The following EIF2B3 variants were observed in gnomAD, a reference collection of about 807,000 sequenced individuals.
EIF2B3 encodes eukaryotic translation initiation factor 2B subunit gamma.
Under a neutral mutation model 54.1 loss-of-function variants are expected in EIF2B3, and 20 were observed. The ratio of observed to expected loss-of-function variants is 0.37; its 90% CI spans 0.26 to 0.54. The LOEUF is 0.54. Among genes scored for constraint, EIF2B3 ranks in the 20% least tolerant of loss-of-function variants. The pLI is 0.86. For missense variants in EIF2B3, 448 were observed against 547.8 expected, an observed-to-expected ratio of 0.82 and a Z score of 1.82; for synonymous variants, 153 against 188.1, an observed-to-expected ratio of 0.81 and a Z score of 1.52.
At chr1:44,970,092 G>C (rs921655435) in intron 3 of EIF2B3, 2 of 152,120 alleles carry the variant, frequency 1.3e-5, no homozygotes, top group Admixed American at 6.6e-5. Context: ...TGTGGGGTTA[G>C]ATAAAGCAAA....
At chr1:44,860,388 C>T (rs1282406380) in intron 10 of EIF2B3, among the ~76,000 whole-genome samples, 2 of 152,148 alleles carry the variant, frequency 1.3e-5, no homozygotes, top group Non-Finnish European at 2.9e-5. Context: ...CCCTCAGTGT[C>T]CTGGCCCCCC....
At chr1:44,930,558 C>T (rs937361332) in intron 4 of EIF2B3, among the ~76,000 whole-genome samples, 3 of 152,238 alleles carry the variant, frequency 2.0e-5, no homozygotes, top group Non-Finnish European at 4.4e-5. Flanking sequence ...ACCTTGTAAA[C>T]AAGCCTGGGC....
At position 44,974,644 on chromosome 1, in the gene EIF2B3, G is replaced by C. The variant is rs377389636; in HGVS notation, c.294+3671C>G. 3.2e-4 allele frequency among the ~76,000 whole-genome samples: 48 copies of C among 151,826 alleles called. 1 individual carries two copies. Among genetic ancestry groups the C allele is most frequent in the African/African-American group, 1.2e-3 (48 of 41,432 alleles). On this transcript the variant is annotated intron_variant, in intron 3 of 11. Coordinates refer to ENST00000360403, the MANE Select transcript of EIF2B3 (RefSeq NM_020365.5). ...ACTGCACACTAGCCTGGGTGACAGAGTGAGACTGTCTCAAAAAATAAAATT... is the reference window on the plus strand; with the variant it reads ...ACTGCACACTAGCCTGGGTGACAGACTGAGACTGTCTCAAAAAATAAAATT...
In EIF2B3 at chr1:44,850,742, C is replaced by G. The variant is rs2148889767; in HGVS notation, c.*209G>C. Reference sequence around the variant, plus strand: ...GTATCTGTCCTGTCCCACACACTTGCTCCAGATGATCTTTACCACATGACA... The same window carrying G: ...GTATCTGTCCTGTCCCACACACTTGGTCCAGATGATCTTTACCACATGACA... On this transcript the variant is annotated 3_prime_UTR_variant, in exon 12 of 12. Coordinates refer to ENST00000360403, the MANE Select transcript of EIF2B3 (RefSeq NM_020365.5). 1.6e-6 allele frequency: 1 copy of G among 608,750 alleles called. No homozygotes were observed. Among genetic ancestry groups the G allele is most frequent in the Non-Finnish European group, 2.9e-6 (1 of 343,304 alleles). The allele number at this position is 608,750 out of a possible 1,614,324, so 37.7% of individuals were successfully genotyped here.
In EIF2B3 at chr1:44,982,877, C is replaced by G. The variant is rs553459743; in HGVS notation, c.-9-1700G>C. Among the ~76,000 whole-genome samples, 3 of 152,244 alleles carry G rather than the reference C, an allele frequency of 2.0e-5. No homozygotes were observed. In the East Asian group the frequency reaches 5.8e-4, roughly 29 times the overall value. On this transcript the variant is annotated intron_variant, in intron 1 of 11. Transcript: ENST00000360403. The stretch of plus-strand genomic sequence containing the variant: ...TCCCAGGTTCAAGTGATTCTCCTGC[C>G]TCAGCCTCCCAAAGAGCTGGGATTA...
intron 3 of EIF2B3, among the ~76,000 whole-genome samples, chr1:44,955,388 G>A (rs143895833): frequency 3.9e-5 from 6 of 152,022 alleles, no homozygotes; most frequent in African/African-American, 9.7e-5. Context: ...AGACTTAAAC[G>A]TAAGACCCAA....
chr1:44,971,054 T>C (rs1160400556), intron 3 of EIF2B3, among the ~76,000 whole-genome samples: 1 of 152,210 alleles, frequency 6.6e-6, no homozygotes, highest in Non-Finnish European at 1.5e-5. Context: ...ATTCTGATTT[T>C]AGGTGCAAGG....
intron 5 of EIF2B3, among the ~76,000 whole-genome samples, chr1:44,903,434 A>G (rs552633): frequency 0.68 from 103,313 of 152,068 alleles, 37,179 homozygotes; most frequent in East Asian, 0.98. Context: ...CTTCTTCCCC[A>G]TTCCCAGCAT....
intron 3 of EIF2B3, among the ~76,000 whole-genome samples, chr1:44,954,518 A>C (rs1183029234): frequency 6.6e-6 from 1 of 152,048 alleles, no homozygotes; most frequent in East Asian, 1.9e-4. Context: ...TTAACTCATG[A>C]TTTGGCTGTT....
intron 5 of EIF2B3, among the ~76,000 whole-genome samples, chr1:44,926,320 T>G (rs1349345218): frequency 1.3e-5 from 2 of 151,722 alleles, no homozygotes; most frequent in Non-Finnish European, 2.9e-5. Context: ...ATGTCATGTG[T>G]TTTTTTTACC....
chr1:44,977,829 T>C (rs1274256318), intron 3 of EIF2B3, among the ~76,000 whole-genome samples: 1 of 152,218 alleles, frequency 6.6e-6, no homozygotes, highest in African/African-American at 2.4e-5. Context: ...AACCAGTGAC[T>C]ATGACAAATT....
chr1:44,915,978 T>C (rs1225198256), intron 5 of EIF2B3, among the ~76,000 whole-genome samples: 1 of 152,190 alleles, frequency 6.6e-6, no homozygotes, highest in Non-Finnish European at 1.5e-5. Context: ...TAATGTTTTC[T>C]AACTTCCTAC....
intron 3 of EIF2B3, among the ~76,000 whole-genome samples, chr1:44,943,235 C>T (rs12089789): frequency 0.076 from 11,513 of 150,936 alleles, 1,497 homozygotes; most frequent in African/African-American, 0.27. Flanking sequence ...ACTATGTAGT[C>T]CAGGTTGGTC....
intron 7 of EIF2B3, among the ~76,000 whole-genome samples, chr1:44,880,786 C>A (rs1304565642): frequency 6.6e-6 from 1 of 152,012 alleles, no homozygotes; most frequent in Non-Finnish European, 1.5e-5. Context: ...CACAGAGAAA[C>A]CCCGTCTCTA....
chr1:44,938,687 A>C (rs1643984972), intron 4 of EIF2B3, among the ~76,000 whole-genome samples: 1 of 151,846 alleles, frequency 6.6e-6, no homozygotes, highest in African/African-American at 2.4e-5. Flanking sequence ...GGGTTTCACC[A>C]TGTTACCCAG....
intron 8 of EIF2B3, among the ~76,000 whole-genome samples, chr1:44,877,293 AG>A (rs1302873862): frequency 6.8e-6 from 1 of 146,014 alleles, no homozygotes; most frequent in Non-Finnish European, 1.5e-5. Context: ...TGTCTGAGTG[AG>A]GGGGAGCAGG....
At chr1:44,886,255 A>G (rs1483952788) in intron 6 of EIF2B3, among the ~76,000 whole-genome samples, 1 of 150,244 alleles carries the variant, frequency 6.7e-6, no homozygotes, top group Non-Finnish European at 1.5e-5. Flanking sequence ...AATTTTTTGT[A>G]TTTTTAGTAG....
intron 7 of EIF2B3, among the ~76,000 whole-genome samples, chr1:44,880,747 G>T (rs542870576): frequency 6.6e-6 from 1 of 152,266 alleles, no homozygotes; most frequent in African/African-American, 2.4e-5. Context: ...TGGATCATGA[G>T]GTCAGGAGAT....
At chr1:44,878,916 A>T (rs1190020136) in intron 8 of EIF2B3, among the ~76,000 whole-genome samples, 1 of 151,410 alleles carries the variant, frequency 6.6e-6, no homozygotes, top group African/African-American at 2.4e-5. Flanking sequence ...ATGCCACCAT[A>T]CCTGGCTAAT....
Sources: allele counts gnomAD v4.1 joint callset (sites outside exome capture counted in the v4.1 genomes callset), GRCh38; gene constraint gnomAD v4.1.1; transcripts MANE v1.5; gene names NCBI Gene and HGNC (gene_info 2026-07-23, HGNC 2026-07-21).